The following NHSL1 variants were observed in gnomAD, a reference collection of about 807,000 sequenced individuals.
The protein encoded by NHSL1 is NHS-like protein 1.
In NHSL1, 48 loss-of-function variants were observed where a neutral mutation model predicts 95.0. The ratio of observed to expected loss-of-function variants is 0.51; its 90% CI spans 0.40 to 0.64. NHSL1 has a LOEUF of 0.64. Ranked by LOEUF, NHSL1 falls within the 30% of genes least tolerant of loss-of-function variation. The pLI, the probability that NHSL1 is intolerant of heterozygous loss-of-function variation, is 0.00. For synonymous variants in NHSL1, 783 were observed against 833.9 expected, an observed-to-expected ratio of 0.94 and a Z score of 1.05; for missense variants, 1,971 against 2,077.7, an observed-to-expected ratio of 0.95 and a Z score of 1.00.
chr6:138,568,400 C>G (rs181297327), intron 1 of NHSL1, among the ~76,000 whole-genome samples: 3 of 152,200 alleles, frequency 2.0e-5, no homozygotes, highest in Non-Finnish European at 2.9e-5. Flanking sequence ...CACAACTTCA[C>G]GTGAAAAGTT....
chr6:138,609,613 G>A (rs980688713), intron 1 of NHSL1, among the ~76,000 whole-genome samples: 1 of 151,990 alleles, frequency 6.6e-6, no homozygotes. Context: ...AGCCAGGCCT[G>A]GTGGCAGGCA....
At chr6:138,427,651 T>C (rs1440443556) in intron 7 of NHSL1, among the ~76,000 whole-genome samples, 1 of 152,226 alleles carries the variant, frequency 6.6e-6, no homozygotes, top group Non-Finnish European at 1.5e-5. Context: ...AACTAATTAC[T>C]TCAATAAATA....
rs368731970 is a variant in NHSL1, at chr6:138,555,542, G to C, written c.202+16168C>G. ...GCTGCAGCCTGGTGCCCTTGGGTTG[G>C]TTTTTTGTTTTTGTTTTCTTTTTCC... On this transcript the variant is annotated intron_variant, in intron 1 of 6. Coordinates refer to the NHSL1 transcript ENST00000427025. 1.0e-3 allele frequency among the ~76,000 whole-genome samples: 155 copies of C among 152,288 alleles called. 1 individual carries two copies. Among genetic ancestry groups the C allele is most frequent in the African/African-American group, 3.5e-3 (147 of 41,556 alleles).
At chr6:138,545,896 G>T, upstream of NHSL1, 1 of 923,024 alleles carries the variant, frequency 1.1e-6, no homozygotes, top group Non-Finnish European at 1.3e-6. Flanking sequence ...AGGAGCCAGG[G>T]GTTAGCAGTC....
chr6:138,432,703 T>C lies in NHSL1; in HGVS notation c.1642A>G (p.Ser548Gly), dbSNP rs1401091114. The change falls in exon 6 of 8, where the codon AGC (serine) becomes GGC (glycine). Residue 548 changes from serine to glycine, a missense_variant. By Grantham distance (56) the Ser-to-Gly change is moderately conservative. This residue lies in a region of NHSL1 where 1,602 missense variants were observed against 1,654.5 expected (regional missense o/e 0.97). Coordinates refer to ENST00000343505, the MANE Select transcript of NHSL1 (RefSeq NM_001144060.2). The surrounding 1 kb of genome is among the most constrained non-coding windows in gnomAD (Gnocchi z 4.4). ...TTGTATTCCCAGGGCTCCGAGCTGC[T>C]GTGCCCTCCGCCCCCTGAATAACTA... ...ESSYSGGGGH[S>G]SSEPWEYKSS... is the part of the protein sequence containing the mutation. 3.2e-6 allele frequency: 5 copies of C among 1,551,634 alleles called. No homozygotes were observed. Among genetic ancestry groups the C allele is most frequent in the Non-Finnish European group, 4.4e-6 (5 of 1,146,928 alleles).
chr6:138,638,686 C>A (rs1784920563), intron 1 of NHSL1, among the ~76,000 whole-genome samples: 1 of 152,150 alleles, frequency 6.6e-6, no homozygotes. Flanking sequence ...AACTTGGGTA[C>A]ACTATTCCTG....
At chr6:138,626,345 G>T (rs1435677921) in intron 1 of NHSL1, among the ~76,000 whole-genome samples, 1 of 152,164 alleles carries the variant, frequency 6.6e-6, no homozygotes, top group African/African-American at 2.4e-5. Context: ...TCTTGAAAGA[G>T]CCACAGACAT....
intron 4 of NHSL1, among the ~76,000 whole-genome samples, chr6:138,443,054 CACACACACATATATATATAT>C (rs1230090516): frequency 7.9e-6 from 1 of 126,084 alleles, no homozygotes; most frequent in Non-Finnish European, 1.6e-5. Context: ...TACATATATA[CACACACACATATATATATAT>C]ACACACACAC....
intron 1 of NHSL1, among the ~76,000 whole-genome samples, chr6:138,612,040 G>A (rs1390593891): frequency 6.7e-6 from 1 of 149,422 alleles, no homozygotes; most frequent in African/African-American, 2.5e-5. Context: ...AACCCAAGAG[G>A]CGGAGGTTGC....
chr6:138,559,792 T>C (rs1435339496), intron 1 of NHSL1, among the ~76,000 whole-genome samples: 1 of 152,158 alleles, frequency 6.6e-6, no homozygotes, highest in Admixed American at 6.5e-5. Flanking sequence ...TTTGATAACA[T>C]AGAATAGAAT....
intron 2 of NHSL1, among the ~76,000 whole-genome samples, chr6:138,475,774 C>T (rs978274967): frequency 3.3e-5 from 5 of 151,558 alleles, no homozygotes; most frequent in Admixed American, 2.0e-4. Flanking sequence ...GGCAAAACCC[C>T]GTCTCTACTA....
At chr6:138,505,652 CAAAAAAAAAA>C (rs10559023) in intron 1 of NHSL1, among the ~76,000 whole-genome samples, 3,446 of 87,838 alleles carry the variant, frequency 0.039, 64 homozygotes, top group South Asian at 0.14. Flanking sequence ...GACTCCATTT[CAAAAAAAAAA>C]AAAAAAAAAA....
chr6:138,611,739 C>G, intron 1 of NHSL1, among the ~76,000 whole-genome samples: 1 of 150,832 alleles, frequency 6.6e-6, no homozygotes, highest in Non-Finnish European at 1.5e-5. Context: ...GAGCGAGACT[C>G]CAACACAAAA....
intron 1 of NHSL1, among the ~76,000 whole-genome samples, chr6:138,682,043 G>A (rs139823684): frequency 4.1e-4 from 61 of 150,330 alleles, no homozygotes; most frequent in African/African-American, 1.4e-3. Context: ...GTGCAGTGGC[G>A]TGATCTTGGC....
intron 1 of NHSL1, among the ~76,000 whole-genome samples, chr6:138,607,585 GC>G (rs1437599315): frequency 6.6e-6 from 1 of 152,144 alleles, no homozygotes; most frequent in African/African-American, 2.4e-5. Context: ...TTTTTCTTCA[GC>G]ATACAAAAGC....
At chr6:138,569,294 CGAGAGAGAAAAA>C (rs1384052523) in intron 1 of NHSL1, among the ~76,000 whole-genome samples, 1 of 149,626 alleles carries the variant, frequency 6.7e-6, no homozygotes, top group Non-Finnish European at 1.5e-5. Flanking sequence ...AGAAAGAGAG[CGAGAGAGAAAAA>C]GAGAGAGAGC....
intron 1 of NHSL1, among the ~76,000 whole-genome samples, chr6:138,610,206 T>C (rs1448912742): frequency 6.6e-6 from 1 of 152,114 alleles, no homozygotes; most frequent in Non-Finnish European, 1.5e-5. Context: ...AGGCATTCAG[T>C]AGCAAATACT....
At position 138,523,810 on chromosome 6, in the gene NHSL1, G is replaced by A. The variant is rs144046124; in HGVS notation, c.16+21813C>T. Among the ~76,000 whole-genome samples, 113 of 152,274 alleles carry A rather than the reference G, an allele frequency of 7.4e-4. 1 individual carries two copies. Among genetic ancestry groups the A allele is most frequent in the African/African-American group, 2.6e-3 (108 of 41,554 alleles). ...TTGAATGGGAAAGCCCAAATCCTATGCCATAGGTCCATGCTGTAGGTCTAG... is the reference window on the plus strand; with the variant it reads ...TTGAATGGGAAAGCCCAAATCCTATACCATAGGTCCATGCTGTAGGTCTAG... On this transcript the variant is annotated intron_variant, in intron 1 of 4. Transcript: ENST00000342260.
chr6:138,578,668 T>G (rs569136535), intron 1 of NHSL1, among the ~76,000 whole-genome samples: 1 of 152,318 alleles, frequency 6.6e-6, no homozygotes, highest in South Asian at 2.1e-4. Flanking sequence ...CTGTGGTTAT[T>G]ATTTTTTTTA....
Sources: allele counts gnomAD v4.1 joint callset (sites outside exome capture counted in the v4.1 genomes callset), GRCh38; gene constraint gnomAD v4.1.1; regional missense constraint gnomAD v4.1.1; non-coding constraint Gnocchi (gnomAD v3.1); transcripts MANE v1.5; gene names NCBI Gene and HGNC (gene_info 2026-07-23, HGNC 2026-07-21).